The following SLC24A2 variants were observed in gnomAD, a reference collection of about 807,000 sequenced individuals.
The protein encoded by SLC24A2 is sodium/potassium/calcium exchanger 2.
In SLC24A2, 36 loss-of-function variants were observed where a neutral mutation model predicts 62.0. The observed-to-expected ratio is 0.58, with a 90% confidence interval of 0.44 to 0.77. SLC24A2 has a LOEUF of 0.77. Ranked by LOEUF, SLC24A2 falls within the 30% of genes least tolerant of loss-of-function variation. The pLI is 0.00. For missense variants in SLC24A2, 846 were observed against 817.9 expected (o/e 1.03, Z -0.42); for synonymous variants, 358 against 294.0 (o/e 1.22, Z -2.23).
the SLC24A2 span, among the ~76,000 whole-genome samples, chr9:20,260,445 G>C: frequency 2.0e-5 from 3 of 152,236 alleles, no homozygotes; most frequent in African/African-American, 7.2e-5. Context: ...TTTTTAAAGT[G>C]AGGTGTAGAG....
the SLC24A2 span, among the ~76,000 whole-genome samples, chr9:20,183,076 C>G: frequency 6.6e-6 from 1 of 152,140 alleles, no homozygotes; most frequent in Non-Finnish European, 1.5e-5. Flanking sequence ...CCTGGGGAGA[C>G]CACAGTTTTG....
the SLC24A2 span, among the ~76,000 whole-genome samples, chr9:20,093,853 G>A: frequency 1.3e-5 from 2 of 152,070 alleles, no homozygotes; most frequent in Non-Finnish European, 2.9e-5. Context: ...AAATGCTTGA[G>A]GTGATGGATA....
intron 7 of SLC24A2, among the ~76,000 whole-genome samples, chr9:19,560,593 C>T (rs1835340375): frequency 6.6e-6 from 1 of 152,144 alleles, no homozygotes; most frequent in Non-Finnish European, 1.5e-5. Flanking sequence ...TCTGCCAGAA[C>T]CTTGATCTTG....
the SLC24A2 span, among the ~76,000 whole-genome samples, chr9:19,913,730 T>A: frequency 6.6e-6 from 1 of 152,202 alleles, no homozygotes; most frequent in Middle Eastern, 3.4e-3. Flanking sequence ...CTTTGCTAGG[T>A]ATAAGAGAAA....
the SLC24A2 span, among the ~76,000 whole-genome samples, chr9:20,168,262 CT>C: frequency 6.6e-6 from 1 of 151,876 alleles, no homozygotes; most frequent in African/African-American, 2.4e-5. Flanking sequence ...AATTGGACAT[CT>C]CTGTATTATT....
At chr9:19,552,987 G>A (rs1834918569) in intron 7 of SLC24A2, among the ~76,000 whole-genome samples, 1 of 152,216 alleles carries the variant, frequency 6.6e-6, no homozygotes, top group East Asian at 1.9e-4. Flanking sequence ...AAGAGACTAT[G>A]TCTCAGGCTG....
At chr9:20,198,141 G>C in the SLC24A2 span, among the ~76,000 whole-genome samples, 3 of 152,210 alleles carry the variant, frequency 2.0e-5, no homozygotes, top group Non-Finnish European at 4.4e-5. Context: ...GGGGGTGAGA[G>C]AGCTTGGAGC....
the SLC24A2 span, among the ~76,000 whole-genome samples, chr9:20,260,287 C>T: frequency 6.6e-6 from 1 of 152,188 alleles, no homozygotes; most frequent in African/African-American, 2.4e-5. Context: ...TCTTGGACTT[C>T]AAAGACTCTA....
At chr9:20,005,680 G>T in the SLC24A2 span, among the ~76,000 whole-genome samples, 8 of 151,948 alleles carry the variant, frequency 5.3e-5, no homozygotes, top group East Asian at 1.5e-3. Context: ...TCAAGGGAGG[G>T]TTCTCCCAGG....
chr9:20,303,775 G>C, the SLC24A2 span, among the ~76,000 whole-genome samples: 1 of 152,132 alleles, frequency 6.6e-6, no homozygotes, highest in Non-Finnish European at 1.5e-5. Context: ...TAGAGACACA[G>C]GCAATGCTTT....
At chr9:19,979,194 A>G in the SLC24A2 span, among the ~76,000 whole-genome samples, 1 of 152,180 alleles carries the variant, frequency 6.6e-6, no homozygotes, top group Non-Finnish European at 1.5e-5. Context: ...ATTGCTTAGA[A>G]TAGTGCTTCT....
chr9:19,914,145 CA>C, the SLC24A2 span, among the ~76,000 whole-genome samples: 1 of 152,092 alleles, frequency 6.6e-6, no homozygotes, highest in Non-Finnish European at 1.5e-5. Context: ...CGCTTCCTTT[CA>C]GATCTTACTT....
chr9:20,299,182 T>C, the SLC24A2 span, among the ~76,000 whole-genome samples: 2 of 152,080 alleles, frequency 1.3e-5, no homozygotes, highest in Non-Finnish European at 2.9e-5. Context: ...AAAGGAATAA[T>C]AAAAATTAGC....
At chr9:19,934,447 C>T in the SLC24A2 span, among the ~76,000 whole-genome samples, 2 of 152,118 alleles carry the variant, frequency 1.3e-5, no homozygotes, top group African/African-American at 4.8e-5. The surrounding 1 kb of genome is among the most constrained non-coding windows in gnomAD (Gnocchi z 4.1). Flanking sequence ...CCCGGGCTCC[C>T]GCGCACCACA....
intron 9 of SLC24A2, 132 bp downstream of exon 9, chr9:19,527,917 T>G: frequency 1.4e-6 from 1 of 708,548 alleles, no homozygotes; most frequent in Non-Finnish European, 2.6e-6. Flanking sequence ...CCTCTAGTCC[T>G]GGAATGCTAA....
chr9:19,728,137 C>A (rs759809481), intron 2 of SLC24A2, among the ~76,000 whole-genome samples: 1 of 152,150 alleles, frequency 6.6e-6, no homozygotes, highest in Admixed American at 6.5e-5. Flanking sequence ...ATCCATGGCA[C>A]AACTGGCCTT....
chr9:19,759,171 T>A (rs1822237512), intron 2 of SLC24A2, among the ~76,000 whole-genome samples: 1 of 152,196 alleles, frequency 6.6e-6, no homozygotes, highest in African/African-American at 2.4e-5. Flanking sequence ...GCACGATGCT[T>A]CTATTTAGTT....
chr9:20,131,841 G>T, the SLC24A2 span, among the ~76,000 whole-genome samples: 1 of 152,124 alleles, frequency 6.6e-6, no homozygotes, highest in Non-Finnish European at 1.5e-5. Flanking sequence ...CACAGGTTTA[G>T]TGTCATAAGA....
intron 2 of SLC24A2, among the ~76,000 whole-genome samples, chr9:19,764,307 A>G (rs1822444665): frequency 1.3e-5 from 2 of 152,050 alleles, no homozygotes; most frequent in Non-Finnish European, 2.9e-5. Context: ...TTCTGTCTTT[A>G]TCTTCTTCAG....
Sources: gnomAD v4.1 joint callset for allele counts (sites outside exome capture counted in the v4.1 genomes callset) on GRCh38, gnomAD v4.1.1 for gene constraint, Gnocchi (gnomAD v3.1) non-coding constraint, MANE v1.5 for transcripts, NCBI Gene and HGNC (gene_info 2026-07-23, HGNC 2026-07-21) for gene names.